PITPNC1: variants seen among roughly 807,000 people sequenced by gnomAD.
The protein encoded by PITPNC1 is cytoplasmic phosphatidylinositol transfer protein 1.
In PITPNC1, 18 loss-of-function variants were observed where a neutral mutation model predicts 44.7. That is an observed-to-expected ratio of 0.40 (90% CI 0.28 to 0.60). The LOEUF (loss-of-function observed/expected upper bound fraction) is 0.60, where lower values mean the gene tolerates loss of function less well. PITPNC1 is among the 20% of genes least tolerant of loss of function. The probability of loss-of-function intolerance (pLI) is 0.39; values close to 1 mark genes in which losing one functional copy is unlikely to be tolerated. For missense variants in PITPNC1, 290 were observed against 418.4 expected (o/e 0.69, Z 2.68); for synonymous variants, 141 against 149.6 (o/e 0.94, Z 0.42).
chr17:67,573,650 C>T (rs1238747753), intron 4 of PITPNC1, among the ~76,000 whole-genome samples: 1 of 151,316 alleles, frequency 6.6e-6, no homozygotes, highest in Non-Finnish European at 1.5e-5. Flanking sequence ...ACAACCCCCG[C>T]CTCCCGGGTT....
At chr17:67,407,446 T>A (rs980986272) in intron 1 of PITPNC1, among the ~76,000 whole-genome samples, 3 of 152,224 alleles carry the variant, frequency 2.0e-5, no homozygotes, top group Non-Finnish European at 4.4e-5. Context: ...TTTTCTTCCA[T>A]TCTGTGGTTT....
intron 7 of PITPNC1, among the ~76,000 whole-genome samples, chr17:67,672,207 TAC>T (rs1411346283): frequency 2.0e-5 from 3 of 152,094 alleles, no homozygotes; most frequent in African/African-American, 7.2e-5. Flanking sequence ...GTACTGGGTT[TAC>T]AGTCGTGAGC....
chr17:67,395,072 A>T (rs2038197243), intron 1 of PITPNC1, among the ~76,000 whole-genome samples: 1 of 152,180 alleles, frequency 6.6e-6, no homozygotes, highest in African/African-American at 2.4e-5. Context: ...CAACGCTCTT[A>T]TTAAACTGGT....
intron 1 of PITPNC1, among the ~76,000 whole-genome samples, chr17:67,451,590 G>T (rs574929883): frequency 1.3e-5 from 2 of 150,946 alleles, no homozygotes; most frequent in South Asian, 4.2e-4. Context: ...TAGTAATTTC[G>T]TATAAAAATT....
At chr17:67,455,534 C>T (rs1477197290) in intron 1 of PITPNC1, among the ~76,000 whole-genome samples, 1 of 152,146 alleles carries the variant, frequency 6.6e-6, no homozygotes, top group Non-Finnish European at 1.5e-5. Flanking sequence ...GATTCTCCTG[C>T]CTCAGCGCCA....
intron 6 of PITPNC1, chr17:67,638,161 T>G (rs2042054368): frequency 6.6e-6 from 1 of 152,270 alleles, no homozygotes; most frequent in Admixed American, 6.5e-5. Context: ...AGCGGAGGAA[T>G]GAGGAACTCT....
chr17:67,446,072 A>G (rs2039088471), intron 1 of PITPNC1, among the ~76,000 whole-genome samples: 1 of 151,868 alleles, frequency 6.6e-6, no homozygotes, highest in South Asian at 2.1e-4. Flanking sequence ...TCAGCCTCCC[A>G]AGTAGCTGGG....
chr17:67,656,432 C>T lies in PITPNC1; in HGVS notation c.463-13076C>T, dbSNP rs551893369. On this transcript the variant is annotated intron_variant, in intron 6 of 8. Coordinates refer to ENST00000581322, the MANE Select transcript of PITPNC1 (RefSeq NM_012417.4). Reference sequence around the variant, plus strand: ...AGGACACTTGTCATTGGATTTAGGGCCCTCCCACTTAATCCAGCATGATCT... The same window carrying T: ...AGGACACTTGTCATTGGATTTAGGGTCCTCCCACTTAATCCAGCATGATCT... Among the ~76,000 whole-genome samples, 13 of 152,278 alleles carry T rather than the reference C, an allele frequency of 8.5e-5. No homozygotes were observed. In the South Asian group the frequency reaches 2.5e-3, roughly 29 times the overall value.
At chr17:67,690,447 T>TGAA (rs2042901052) in intron 8 of PITPNC1, among the ~76,000 whole-genome samples, 1 of 49,186 alleles carries the variant, frequency 2.0e-5, no homozygotes, top group Admixed American at 2.6e-4. Context: ...AAACTCTGTC[T>TGAA]CAAAAAAAAA....
chr17:67,692,996 C>T lies in PITPNC1; in HGVS notation c.*108C>T. 1 of 722,762 alleles carries T rather than the reference C, an allele frequency of 1.4e-6. No individual in the cohort carries two copies. Among genetic ancestry groups the T allele is most frequent in the South Asian group, 1.8e-5 (1 of 55,132 alleles). 44.8% of individuals were successfully genotyped at this position (722,762 alleles called of 1,614,324 possible). A position where few individuals can be genotyped will look rare whatever the true frequency, so the allele number is the denominator to read the frequency against. On this transcript the variant is annotated 3_prime_UTR_variant, in exon 9 of 9. Transcript: ENST00000581322. ...ACTGCTTTGTCACTCAAACATGTTC[C>T]TTCGACCTTTCAGTGTGCATGTGAC...
At chr17:67,465,692 G>A (rs768983441) in intron 1 of PITPNC1, among the ~76,000 whole-genome samples, 3 of 152,130 alleles carry the variant, frequency 2.0e-5, no homozygotes, top group Non-Finnish European at 4.4e-5. Flanking sequence ...GGCTTTAGCT[G>A]GGCTGGGTTC....
intron 1 of PITPNC1, among the ~76,000 whole-genome samples, chr17:67,466,180 C>A (rs552128537): frequency 4.3e-4 from 23 of 52,922 alleles, no homozygotes; most frequent in South Asian, 1.2e-3. Context: ...TTTAAAGTTT[C>A]TGTAGAGATG....
intron 1 of PITPNC1, among the ~76,000 whole-genome samples, chr17:67,417,839 TTGAGA>T (rs899356014): frequency 6.6e-6 from 1 of 151,920 alleles, no homozygotes; most frequent in Admixed American, 6.6e-5. Context: ...GCCCAGGAGT[TTGAGA>T]CCAGCATGGA....
chr17:67,425,201 A>G (rs150658078), intron 1 of PITPNC1, among the ~76,000 whole-genome samples: 31,972 of 60,856 alleles, frequency 0.53, 6,136 homozygotes, highest in African/African-American at 0.59. Context: ...GCGCACGCAC[A>G]CGCACACACA....
intron 5 of PITPNC1, among the ~76,000 whole-genome samples, chr17:67,607,792 G>T (rs1288890588): frequency 2.0e-5 from 3 of 146,668 alleles, no homozygotes; most frequent in Non-Finnish European, 3.0e-5. Context: ...GCAATGCTGT[G>T]ACCTCGGCTC....
intron 5 of PITPNC1, among the ~76,000 whole-genome samples, chr17:67,622,256 C>CAAA (rs536282843): frequency 8.7e-4 from 80 of 91,736 alleles, no homozygotes; most frequent in African/African-American, 2.7e-3. Context: ...GACTGCATCT[C>CAAA]AAAAAAAAAA....
rs1818560192 is a variant in PITPNC1, at chr17:67,377,899, T to C, written c.-256T>C. 5.0e-6 allele frequency: 2 copies of C among 398,248 alleles called. No individual in the cohort carries two copies. The highest frequency in any genetic ancestry group is 1.4e-4 in the South Asian group (2 of 14,454). 24.7% of individuals were successfully genotyped at this position (398,248 alleles called of 1,614,324 possible). A position where few individuals can be genotyped will look rare whatever the true frequency, so the allele number is the denominator to read the frequency against. ...GGTCTCCCTCCCTGCCTCCCTGACT[T>C]TGCAACACCGCGTTCCGGGAGGACC... On this transcript the variant is annotated 5_prime_UTR_variant, in exon 1 of 9. Coordinates refer to ENST00000581322, the MANE Select transcript of PITPNC1 (RefSeq NM_012417.4).
At chr17:67,632,916 G>T (rs555382048) in intron 6 of PITPNC1, among the ~76,000 whole-genome samples, 11 of 152,258 alleles carry the variant, frequency 7.2e-5, no homozygotes, top group African/African-American at 2.4e-4. Context: ...TTCCAGCACA[G>T]CTCCTTTCTC....
rs529153032 is a variant in PITPNC1 at position 67,637,338 on chromosome 17, C to G, written c.462+5100C>G. Among the ~76,000 whole-genome samples, 4 of 152,170 alleles carry G rather than the reference C, an allele frequency of 2.6e-5. No homozygotes were observed. The South Asian group carries it at 8.3e-4, about 32-fold the overall frequency. ...AGCTCCATGGGCCTTTTCTTCCCAT[C>G]CATCTTTGTAAGTTGACGATGTCAG... On this transcript the variant is annotated intron_variant, in intron 6 of 8. Transcript: ENST00000581322.
Sources: allele counts gnomAD v4.1 joint callset (sites outside exome capture counted in the v4.1 genomes callset), GRCh38; gene constraint gnomAD v4.1.1; transcripts MANE v1.5; gene names NCBI Gene and HGNC (gene_info 2026-07-23, HGNC 2026-07-21).